ITSN1: variants seen among roughly 807,000 people sequenced by gnomAD.
The protein encoded by ITSN1 is intersectin 1.
Under a neutral mutation model 239.8 loss-of-function variants are expected in ITSN1, and 58 were observed. That is an observed-to-expected ratio of 0.24 (90% CI 0.20 to 0.30). The LOEUF (loss-of-function observed/expected upper bound fraction) is 0.30, where lower values mean the gene tolerates loss of function less well. Ranked by LOEUF, ITSN1 falls within the 10% of genes least tolerant of loss-of-function variation. ITSN1 has a pLI of 1.00. For missense variants in ITSN1, 1,558 were observed against 2,103.3 expected (o/e 0.74, Z 5.07); for synonymous variants, 780 against 770.8 (o/e 1.01, Z -0.20).
intron 20 of ITSN1, among the ~76,000 whole-genome samples, chr21:33,804,613 C>T (rs1188995816): frequency 6.6e-6 from 1 of 152,160 alleles, no homozygotes; most frequent in Non-Finnish European, 1.5e-5. Context: ...CATGGCCTCT[C>T]TTGATCTGGA....
chr21:33,826,123 A>G (rs2148329960), intron 25 of ITSN1, among the ~76,000 whole-genome samples: 1 of 152,328 alleles, frequency 6.6e-6, no homozygotes, highest in East Asian at 1.9e-4. Context: ...TGAGTATCCC[A>G]GAGAGGAATT....
At chr21:33,815,867 C>T (rs1461385738) in intron 22 of ITSN1, among the ~76,000 whole-genome samples, 2 of 139,216 alleles carry the variant, frequency 1.4e-5, no homozygotes, top group Non-Finnish European at 1.6e-5. Context: ...GGTTTGGGAG[C>T]AGGCGAATGA....
chr21:33,862,632 C>T (rs1980837672), intron 31 of ITSN1, among the ~76,000 whole-genome samples: 1 of 152,108 alleles, frequency 6.6e-6, no homozygotes, highest in African/African-American at 2.4e-5. Flanking sequence ...GGAAGATGGG[C>T]AGGTGCCCAG....
intron 1 of ITSN1, among the ~76,000 whole-genome samples, chr21:33,667,795 T>C (rs748568789): frequency 1.3e-5 from 2 of 152,206 alleles, no homozygotes; most frequent in Non-Finnish European, 2.9e-5. Flanking sequence ...CCGCTCCTTA[T>C]GTACATTGTA....
chr21:33,643,182 T>C (rs1601379279), intron 1 of ITSN1, among the ~76,000 whole-genome samples: 1 of 151,656 alleles, frequency 6.6e-6, no homozygotes, highest in Non-Finnish European at 1.5e-5. Flanking sequence ...CGCCTCTGCC[T>C]GGAGCCCCGG....
intron 34 of ITSN1, among the ~76,000 whole-genome samples, chr21:33,875,834 C>G (rs1386019750): frequency 6.6e-6 from 1 of 152,194 alleles, no homozygotes; most frequent in Non-Finnish European, 1.5e-5. Flanking sequence ...GCACACGCCA[C>G]TACACCCGGC....
At chr21:33,673,335 C>G (rs1052445417) in intron 1 of ITSN1, among the ~76,000 whole-genome samples, 1 of 152,096 alleles carries the variant, frequency 6.6e-6, no homozygotes, top group Non-Finnish European at 1.5e-5. Context: ...CATGATGACT[C>G]TGGCTAATAT....
chr21:33,861,199 T>G (rs1046489096), intron 31 of ITSN1, among the ~76,000 whole-genome samples: 2 of 152,162 alleles, frequency 1.3e-5, no homozygotes, highest in Non-Finnish European at 2.9e-5. Context: ...ACAAAAAACA[T>G]TGTGCTGTAT....
At chr21:33,884,589 G>C (rs2148563826) in intron 36 of ITSN1, among the ~76,000 whole-genome samples, 1 of 152,330 alleles carries the variant, frequency 6.6e-6, no homozygotes, top group Middle Eastern at 3.4e-3. Context: ...GAAAACCGCG[G>C]CCACAAATGC....
At chr21:33,801,877 G>C (rs1338612295) in intron 19 of ITSN1, among the ~76,000 whole-genome samples, 1 of 152,202 alleles carries the variant, frequency 6.6e-6, no homozygotes, top group African/African-American at 2.4e-5. Flanking sequence ...GTGTGTTTCT[G>C]TCAGCTTTCC....
At chr21:33,814,559 A>T (rs114875335) in intron 22 of ITSN1, 100 of 155,106 alleles carry the variant, frequency 6.4e-4, no homozygotes, top group African/African-American at 2.2e-3. Context: ...GAAAGGATAA[A>T]GGTGGTTATT....
intron 8 of ITSN1, among the ~76,000 whole-genome samples, chr21:33,757,246 T>C: frequency 6.6e-6 from 1 of 152,148 alleles, no homozygotes; most frequent in Non-Finnish European, 1.5e-5. Flanking sequence ...ATTGAGAAAT[T>C]CTCTCTTTCT....
At chr21:33,839,772 C>T (rs991005973) in intron 29 of ITSN1, among the ~76,000 whole-genome samples, 4 of 152,186 alleles carry the variant, frequency 2.6e-5, no homozygotes, top group Non-Finnish European at 1.5e-5. Context: ...GGGTTGTTCC[C>T]CAGGAAGCTG....
chr21:33,736,262 A>G (rs2066495594), intron 5 of ITSN1, among the ~76,000 whole-genome samples: 1 of 152,222 alleles, frequency 6.6e-6, no homozygotes. Flanking sequence ...ATAAAGTGAA[A>G]TAGATTTCGG....
chr21:33,722,461 A>G lies in ITSN1; in HGVS notation c.122-127A>G. Reference sequence around the variant, plus strand: ...ATGGGCTTATCCTTGGACTTTTATAATGCACTCAACTGGTATTTATAGTAT... The same window carrying G: ...ATGGGCTTATCCTTGGACTTTTATAGTGCACTCAACTGGTATTTATAGTAT... On this transcript the variant is annotated intron_variant, in intron 3 of 39. Coordinates refer to ENST00000381318, the MANE Select transcript of ITSN1 (RefSeq NM_003024.3). 1.3e-5 allele frequency: 15 copies of G among 1,175,300 alleles called. 1 individual carries two copies. The South Asian group carries it at 2.8e-4, about 22-fold the overall frequency. 72.8% of individuals were successfully genotyped at this position (1,175,300 alleles called of 1,614,324 possible).
chr21:33,653,480 T>G (rs1447225030), intron 1 of ITSN1, among the ~76,000 whole-genome samples: 2 of 152,208 alleles, frequency 1.3e-5, no homozygotes, highest in Non-Finnish European at 2.9e-5. Context: ...AAAGGACCAT[T>G]TTCATTCCTA....
intron 16 of ITSN1, among the ~76,000 whole-genome samples, chr21:33,786,292 A>G (rs2070672081): frequency 6.6e-6 from 1 of 152,208 alleles, no homozygotes; most frequent in Admixed American, 6.5e-5. Flanking sequence ...TGTAACAAAT[A>G]CCTTATTAAG....
At chr21:33,847,418 G>A (rs1273372720) in intron 29 of ITSN1, among the ~76,000 whole-genome samples, 1 of 152,236 alleles carries the variant, frequency 6.6e-6, no homozygotes, top group Non-Finnish European at 1.5e-5. Flanking sequence ...ACCACCCTCA[G>A]GCCTGCCCTT....
chr21:33,788,608 G>A (rs1359596003), intron 16 of ITSN1, among the ~76,000 whole-genome samples: 1 of 152,128 alleles, frequency 6.6e-6, no homozygotes, highest in African/African-American at 2.4e-5. Flanking sequence ...GCATGCACCT[G>A]TAATCCCAGC....
Sources: gnomAD v4.1 joint callset for allele counts (sites outside exome capture counted in the v4.1 genomes callset) on GRCh38, gnomAD v4.1.1 for gene constraint, MANE v1.5 for transcripts, NCBI Gene and HGNC (gene_info 2026-07-23, HGNC 2026-07-21) for gene names.